The following KRT14 variants were observed in gnomAD, a reference collection of about 807,000 sequenced individuals.
The protein encoded by KRT14 is keratin 14, also known as keratin, type I cytoskeletal 14.
KRT14 carries 30 observed loss-of-function variants against 44.5 expected under a neutral mutation model. The ratio of observed to expected loss-of-function variants is 0.67; its 90% CI spans 0.50 to 0.92. KRT14 has a LOEUF of 0.92. KRT14 is among the 40% of genes least tolerant of loss of function. The pLI, the probability that KRT14 is intolerant of heterozygous loss-of-function variation, is 0.00. For synonymous variants in KRT14, 241 were observed against 257.6 expected (o/e 0.94, Z 0.62); for missense variants, 535 against 640.6 (o/e 0.84, Z 1.78).
chr17:41,584,085 T>C (rs1381981639), intron 3 of KRT14, among the ~76,000 whole-genome samples, 164 bp from the exon 4 acceptor site: 1 of 139,900 alleles, frequency 7.1e-6, no homozygotes, highest in Non-Finnish European at 1.6e-5. Flanking sequence ...TTTTTTTTTT[T>C]TTTTTTTTTT....
intron 7 of KRT14, 115 bp from the exon 8 acceptor site, chr17:41,582,647 C>G: frequency 1.3e-6 from 1 of 798,322 alleles, no homozygotes; most frequent in Non-Finnish European, 2.2e-6. Flanking sequence ...TGCCCTCTCC[C>G]CTGATTACTG....
intron 3 of KRT14, 130 bp from the exon 4 acceptor site, chr17:41,584,051 ATCTCTCTC>A: frequency 2.3e-6 from 1 of 431,598 alleles, no homozygotes; most frequent in Non-Finnish European, 3.7e-6. Flanking sequence ...CTCTCTCTCA[ATCTCTCTC>A]TCTCTCTCTC....
intron 2 of KRT14, 121 bp from the exon 3 acceptor site, chr17:41,584,534 C>T: frequency 9.4e-7 from 1 of 1,068,280 alleles, no homozygotes; most frequent in Non-Finnish European, 1.4e-6. Flanking sequence ...AGGAGCCAAT[C>T]TTGAAAATGG....
chr17:41,584,322 C>G lies in KRT14; in HGVS notation c.700G>C (p.Asp234His). 1.2e-6 allele frequency: 2 copies of G among 1,614,074 alleles called. No individual in the cohort carries two copies. The highest frequency in any genetic ancestry group is 1.1e-5 in the South Asian group (1 of 91,078). Residue 234 changes from aspartate (D) to histidine (H), a missense_variant, in exon 3 of 8, where the codon GAC becomes CAC. By Grantham distance (81) the Asp-to-His change is moderately conservative (BLOSUM62 -1). Coordinates refer to ENST00000167586, the MANE Select transcript of KRT14 (RefSeq NM_000526.5). ...AGGCTCTCAATCTGCATCTCCAGGT[C>G]AGCTCTGGCCAGGGTCAGTTCGTCC... ...VLDELTLARA[D>H]LEMQIESLKE...
At position 41,582,444 on chromosome 17, in the gene KRT14, G is replaced by A; in HGVS notation, c.1410C>T (p.Thr470=). 1.9e-6 allele frequency: 3 copies of A among 1,564,362 alleles called. No homozygotes were observed. The highest frequency in any genetic ancestry group is 8.7e-7 in the Non-Finnish European group (1 of 1,154,514). The change falls in exon 8 of 8, where the codon ACC becomes ACT. Residue 470 remains threonine, a synonymous_variant. Coordinates refer to ENST00000167586, the MANE Select transcript of KRT14 (RefSeq NM_000526.5). ...GCGGGGCTGGGCAGCCTCAGTTCTT[G>A]GTGCGAAGGACCTGCTCGTGGGTGG... The part of the protein sequence containing the change: ...VVSTHEQVLR[T]KN
chr17:41,585,468 C>T (rs1176180058), intron 1 of KRT14, among the ~76,000 whole-genome samples: 1 of 152,218 alleles, frequency 6.6e-6, no homozygotes, highest in Non-Finnish European at 1.5e-5. Flanking sequence ...CAGATATGCA[C>T]ATTCCTTTTC....
At position 41,584,314 on chromosome 17, in the gene KRT14, C is replaced by A; in HGVS notation, c.708G>T (p.Glu236Asp). ...DELTLARADL[E>D]MQIESLKEEL... The stretch of plus-strand genomic sequence containing the variant: ...CCTCCTTCAGGCTCTCAATCTGCAT[C>A]TCCAGGTCAGCTCTGGCCAGGGTCA... The change falls in exon 3 of 8, where the codon GAG becomes GAT. Residue 236 changes from glutamate to aspartate, a missense_variant. Transcript: ENST00000167586. 6.2e-7 allele frequency: 1 copy of A among 1,614,064 alleles called. No homozygotes were observed. Among genetic ancestry groups the A allele is most frequent in the Non-Finnish European group, 8.5e-7 (1 of 1,180,020 alleles).
Position 41,583,676 on chromosome 17 carries a change from T to A in KRT14, c.928A>T (p.Thr310Ser). Reference sequence around the variant, plus strand: ...GCCACCTCGCGGTTCAGCTCCTCTGTCTGCAAAAAAGAGAATGCCATTCAC... The same window carrying A: ...GCCACCTCGCGGTTCAGCTCCTCTGACTGCAAAAAAGAGAATGCCATTCAC... ...KDAEEWFFTK[T>S]EELNREVATN... The change falls in exon 5 of 8, where the codon ACA becomes TCA. Residue 310 changes from threonine (T) to serine (S), a missense_variant and splice_region_variant. By Grantham distance (58) the Thr-to-Ser change is moderately conservative. Coordinates refer to ENST00000167586, the MANE Select transcript of KRT14 (RefSeq NM_000526.5). The A allele has an allele frequency of 6.2e-7, 1 of 1,614,180 alleles. No individual in the cohort carries two copies. The highest frequency in any genetic ancestry group is 1.1e-5 in the South Asian group (1 of 91,086).
chr17:41,583,463 G>A lies in KRT14; in HGVS notation c.1054-8C>T, dbSNP rs1186602942. On this transcript the variant is annotated splice_polypyrimidine_tract_variant and splice_region_variant and intron_variant, in intron 5 of 7. Coordinates refer to ENST00000167586, the MANE Select transcript of KRT14 (RefSeq NM_000526.5). ...GTTCTCCAGGGATGCTTTCTGTGAG[G>A]GAGGGAAAGGGAATCAACGATTAGT... 6.2e-7 allele frequency: 1 copy of A among 1,614,152 alleles called. No individual in the cohort carries two copies. The highest frequency in any genetic ancestry group is 1.7e-5 in the Admixed American group (1 of 60,018).
chr17:41,586,535 A>C lies in KRT14; in HGVS notation c.300T>G (p.Phe100Leu), dbSNP rs751018324. 27 of 1,613,810 alleles carry C rather than the reference A, an allele frequency of 1.7e-5. No individual in the cohort carries two copies. Among genetic ancestry groups the C allele is most frequent in the Non-Finnish European group, 2.2e-5 (26 of 1,179,842 alleles). Residue 100 changes from phenylalanine to leucine, a missense_variant, in exon 1 of 8, where the codon TTT (phenylalanine) becomes TTG (leucine). Coordinates refer to ENST00000167586, the MANE Select transcript of KRT14 (RefSeq NM_000526.5). ...CATCACCACCAGCAAAGCCACCACC[A>C]AAGCCACCACCCAAGCCAGCACCAA... Reference protein sequence around the residue: ...GGLGAGLGGGFGGGFAGGDGL... With the variant: ...GGLGAGLGGGLGGGFAGGDGL...
chr17:41,586,831 T>C lies in KRT14; in HGVS notation c.4A>G (p.Thr2Ala), dbSNP rs765738033. 1.0e-5 allele frequency: 16 copies of C among 1,585,150 alleles called. No homozygotes were observed. Among genetic ancestry groups the C allele is most frequent in the Non-Finnish European group, 1.4e-5 (16 of 1,168,424 alleles). Residue 2 changes from threonine to alanine, a missense_variant, in exon 1 of 8, where the codon ACC becomes GCC. Transcript: ENST00000167586. Reference protein sequence around the residue: MTTCSRQFTSSS... With the variant: MATCSRQFTSSS... ...GAGGTGAACTGGCGGCTGCAGGTGG[T>C]CATGGTGCAGAGGAGGGAGGTGAGC...
In KRT14 at chr17:41,584,709, A is replaced by G. The variant is rs190983084; in HGVS notation, c.608+266T>C. Among the ~76,000 whole-genome samples the G allele has an allele frequency of 1.2e-3, 184 of 152,310 alleles. 1 individual carries two copies. The highest frequency in any genetic ancestry group is 4.4e-3 in the African/African-American group (182 of 41,564). On this transcript the variant is annotated intron_variant, in intron 2 of 7. Transcript: ENST00000167586. ...AACTATGATTCCTTCCTATACTTCA[A>G]GGGCAGCTGGGGAAGTGGAAAGTGC...
At position 41,582,500 on chromosome 17, in the gene KRT14, C is replaced by T. The variant is rs11551760; in HGVS notation, c.1354G>A (p.Val452Ile). ...ACCTTGCCATCGTGCACATCCATGA[C>T]CTTGGTGCGGATTTGGCGGCTGGAG... ...TSSSRQIRTK[V>I]MDVHDGKVVS... Residue 452 changes from valine (V) to isoleucine (I), a missense_variant, in exon 8 of 8, where the codon GTC (valine) becomes ATC (isoleucine). By Grantham distance (29) the Val-to-Ile change is conservative. Coordinates refer to ENST00000167586, the MANE Select transcript of KRT14 (RefSeq NM_000526.5). 31,394 of 1,572,222 alleles carry T rather than the reference C, an allele frequency of 0.02. 383 individuals are homozygous for T. Among genetic ancestry groups the T allele is most frequent in the Non-Finnish European group, 0.023 (26,306 of 1,158,458 alleles).
Position 41,584,316 on chromosome 17 carries a change from C to T in KRT14, c.706G>A (p.Glu236Lys). 6.2e-7 allele frequency: 1 copy of T among 1,614,028 alleles called. No individual in the cohort carries two copies. Among genetic ancestry groups the T allele is most frequent in the Non-Finnish European group, 8.5e-7 (1 of 1,179,998 alleles). ...DELTLARADL[E>K]MQIESLKEEL... ...TCCTTCAGGCTCTCAATCTGCATCT[C>T]CAGGTCAGCTCTGGCCAGGGTCAGT... The change falls in exon 3 of 8, where the codon GAG becomes AAG. Residue 236 changes from glutamate (E) to lysine (K), a missense_variant. Physicochemically the swap from Glu to Lys is moderately conservative, Grantham distance 56 (BLOSUM62 1). Coordinates refer to ENST00000167586, the MANE Select transcript of KRT14 (RefSeq NM_000526.5).
In KRT14 at chr17:41,583,634, C is replaced by A; in HGVS notation, c.970G>T (p.Val324Leu). Residue 324 changes from valine (V) to leucine (L), a missense_variant, in exon 5 of 8, where the codon GTG (valine) becomes TTG (leucine). Coordinates refer to ENST00000167586, the MANE Select transcript of KRT14 (RefSeq NM_000526.5). Reference sequence around the variant, plus strand: ...GAGATCTCGCTCTTGCCGCTCTGCACCAGCTCGCTGTTGGTGGCCACCTCG... The same window carrying A: ...GAGATCTCGCTCTTGCCGCTCTGCAACAGCTCGCTGTTGGTGGCCACCTCG... ...NREVATNSEL[V>L]QSGKSEISEL... is the part of the protein sequence containing the mutation. 6.2e-7 allele frequency: 1 copy of A among 1,614,212 alleles called. No individual in the cohort carries two copies.
In KRT14 at chr17:41,583,272, C is replaced by T. The variant is rs59780231; in HGVS notation, c.1237G>A (p.Ala413Thr). The T allele has an allele frequency of 0.012, 20,094 of 1,613,478 alleles. 354 individuals carry two copies. The highest frequency in any genetic ancestry group is 0.064 in the Admixed American group (3,837 of 60,016). Residue 413 changes from alanine (A) to threonine (T), a missense_variant, in exon 6 of 8, where the codon GCC becomes ACC. Coordinates refer to ENST00000167586, the MANE Select transcript of KRT14 (RefSeq NM_000526.5). The stretch of plus-strand genomic sequence containing the variant: ...CCCTCCAGCAGGCGGCGGTAGGTGG[C>T]GATCTCCTGCTCCAGCCGCGTCTTC... The part of the protein sequence containing the change: ...DVKTRLEQEI[A>T]TYRRLLEGED...
intron 1 of KRT14, 36 bp downstream of exon 1, chr17:41,586,274 A>C (rs1907519329): frequency 1.2e-6 from 2 of 1,611,252 alleles, no homozygotes; most frequent in Non-Finnish European, 1.7e-6. Flanking sequence ...AGAAGGAGCT[A>C]GCTGGAATGG....
Position 41,586,882 on chromosome 17 carries a change from G to A in KRT14, c.-48C>T. 1 of 1,541,988 alleles carries A rather than the reference G, an allele frequency of 6.5e-7. No individual in the cohort carries two copies. The highest frequency in any genetic ancestry group is 8.7e-7 in the Non-Finnish European group (1 of 1,147,550). On this transcript the variant is annotated 5_prime_UTR_variant, in exon 1 of 8. Coordinates refer to ENST00000167586, the MANE Select transcript of KRT14 (RefSeq NM_000526.5). ...GAGCGAGCAGTTGGCTGAGTGAAGA[G>A]AAGGTGCTCGGGTAAATTGGAAAGG...
chr17:41,582,367 A>G lies in KRT14; in HGVS notation c.*68T>C. 8.2e-7 allele frequency: 1 copy of G among 1,217,284 alleles called. No homozygotes were observed. The highest frequency in any genetic ancestry group is 1.2e-6 in the Non-Finnish European group (1 of 844,472). The allele number at this position is 1,217,284 out of a possible 1,614,324, so 75.4% of individuals were successfully genotyped here. A position where few individuals can be genotyped will look rare whatever the true frequency, so the allele number is the denominator to read the frequency against. ...CAGCTGTGAAGTGCTTGGGCAGGAG[A>G]GGGGATCTTCCAGTGGGATCTGTGT... is the stretch of plus-strand genomic sequence containing the variant. On this transcript the variant is annotated 3_prime_UTR_variant, in exon 8 of 8. Coordinates refer to ENST00000167586, the MANE Select transcript of KRT14 (RefSeq NM_000526.5).
Sources: gnomAD v4.1 joint callset for allele counts (sites outside exome capture counted in the v4.1 genomes callset) on GRCh38, gnomAD v4.1.1 for gene constraint, MANE v1.5 for transcripts, NCBI Gene and HGNC (gene_info 2026-07-23, HGNC 2026-07-21) for gene names.